N4BP2L2: variants seen among roughly 807,000 people sequenced by gnomAD.
N4BP2L2 encodes NEDD4 binding protein 2 like 2, also known as NEDD4-binding protein 2-like 2.
In N4BP2L2, 50 loss-of-function variants were observed where a neutral mutation model predicts 56.2. The observed-to-expected ratio is 0.89, with a 90% CI of 0.71 to 1.13. N4BP2L2 has a LOEUF of 1.13. Among genes scored for constraint, N4BP2L2 ranks in the 50% most tolerant of loss-of-function variants. The pLI is 0.00. For synonymous variants in N4BP2L2, 203 were observed against 223.6 expected (o/e 0.91, Z 0.82); for missense variants, 689 against 693.8 (o/e 0.99, Z 0.08).
intron 6 of N4BP2L2, among the ~76,000 whole-genome samples, chr13:32,497,036 T>C (rs2088842195): frequency 6.6e-6 from 1 of 152,158 alleles, no homozygotes; most frequent in Non-Finnish European, 1.5e-5. Flanking sequence ...AAAATTAAAG[T>C]GAACTCCTGC....
intron 6 of N4BP2L2, among the ~76,000 whole-genome samples, chr13:32,498,699 T>A (rs2089328501): frequency 6.6e-6 from 1 of 151,908 alleles, no homozygotes; most frequent in Non-Finnish European, 1.5e-5. Context: ...TGGACTGGAA[T>A]TTTTTTAAAA....
intron 6 of N4BP2L2, among the ~76,000 whole-genome samples, chr13:32,491,154 G>A (rs1439798144): frequency 6.6e-6 from 1 of 152,076 alleles, no homozygotes; most frequent in Admixed American, 6.6e-5. Context: ...AAGGGAAAAG[G>A]GGCAGGGTGG....
At position 32,521,450 on chromosome 13, in the gene N4BP2L2, C is replaced by CTGTA. The variant is rs749487797; in HGVS notation, c.1474-2_1474-1insTACA. 3.8e-6 allele frequency: 6 copies of CTGTA among 1,596,976 alleles called. No homozygotes were observed. The Admixed American group carries it at 1.1e-4, about 28-fold the overall frequency. Reference sequence around the variant, plus strand: ...CTACTCTGTATCCTTTTCCTATGGCCTACACAAAGGAAAGGAAGAAAACAA... The same window carrying CTGTA: ...CTACTCTGTATCCTTTTCCTATGGCCTGTATACACAAAGGAAAGGAAGAAAACAA... On this transcript the variant is annotated splice_acceptor_variant, in intron 4 of 5. Transcript: ENST00000267068. LOFTEE classifies it high-confidence loss of function.
At chr13:32,506,863 G>C (rs1302376648), downstream of N4BP2L2, 1 of 152,078 alleles carries the variant, frequency 6.6e-6, no homozygotes, top group African/African-American at 2.4e-5. Flanking sequence ...ATGATTTCTG[G>C]TCTTTATTCT....
intron 2 of N4BP2L2, among the ~76,000 whole-genome samples, chr13:32,531,483 A>G (rs567633478): frequency 4.6e-5 from 7 of 152,284 alleles, no homozygotes; most frequent in Non-Finnish European, 7.4e-5. Context: ...TTTCAAGAAA[A>G]ATACAAAATC....
chr13:32,491,642 T>A (rs1378067610), intron 6 of N4BP2L2, among the ~76,000 whole-genome samples: 2 of 145,962 alleles, frequency 1.4e-5, no homozygotes, highest in Non-Finnish European at 3.0e-5. Flanking sequence ...TATATTTTTT[T>A]TTTTTTTGAG....
At position 32,535,695 on chromosome 13, in the gene N4BP2L2, C is replaced by A. The variant is rs537499879; in HGVS notation, c.1259+74G>T. ...TTGGGATTACATGCATGAGTCACTG[C>A]AGCCGGCGACAAATATCATTTATAA... On this transcript the variant is annotated intron_variant, in intron 2 of 5. Coordinates refer to ENST00000267068, the Ensembl canonical transcript of N4BP2L2. The A allele has an allele frequency of 2.7e-6, 4 of 1,485,776 alleles. No individual in the cohort carries two copies. In the East Asian group the frequency reaches 9.4e-5, roughly 35 times the overall value. 92.0% of individuals were successfully genotyped at this position (1,485,776 alleles called of 1,614,324 possible).
exon 7 of N4BP2L2, chr13:32,442,744 A>G: frequency 6.2e-7 from 1 of 1,613,474 alleles, no homozygotes; most frequent in Non-Finnish European, 8.5e-7. Context: ...ATGTAGCACA[A>G]AAGAAGGAAT....
chr13:32,483,329 TC>T (rs1303984410), intron 6 of N4BP2L2, among the ~76,000 whole-genome samples: 1 of 152,008 alleles, frequency 6.6e-6, no homozygotes, highest in African/African-American at 2.4e-5. Flanking sequence ...CATTTCACTT[TC>T]AAAAAAGAAA....
chr13:32,446,980 G>T (rs370863964), intron 6 of N4BP2L2, among the ~76,000 whole-genome samples: 4 of 151,418 alleles, frequency 2.6e-5, no homozygotes, highest in Non-Finnish European at 5.9e-5. Context: ...AGTTTGATTC[G>T]CTCTGAAGTC....
At chr13:32,439,409 A>G (rs778182364) in intron 7 of N4BP2L2, among the ~76,000 whole-genome samples, 4 of 152,204 alleles carry the variant, frequency 2.6e-5, no homozygotes, top group Admixed American at 6.5e-5. Flanking sequence ...CATGCACTCA[A>G]GGTAAGCGAG....
chr13:32,443,924 A>G, exon 7 of N4BP2L2: 1 of 1,587,724 alleles, frequency 6.3e-7, no homozygotes, highest in Non-Finnish European at 8.6e-7. Context: ...ATGAAGGGAT[A>G]TTCTGATTCT....
intron 6 of N4BP2L2, among the ~76,000 whole-genome samples, chr13:32,474,495 G>A (rs2082893668): frequency 6.6e-6 from 1 of 151,052 alleles, no homozygotes; most frequent in African/African-American, 2.4e-5. Flanking sequence ...TTTGAGATCA[G>A]TCTGGCCGAC....
chr13:32,493,949 C>G (rs1304613353), intron 6 of N4BP2L2, among the ~76,000 whole-genome samples: 1 of 152,128 alleles, frequency 6.6e-6, no homozygotes, highest in East Asian at 1.9e-4. Context: ...GTTATTTTAT[C>G]TCTTTGGATT....
chr13:32,526,818 G>GCT (rs2052993482), intron 3 of N4BP2L2: 1 of 24,236 alleles, frequency 4.1e-5, no homozygotes, highest in Non-Finnish European at 7.9e-5. Flanking sequence ...CTTTTTGTCT[G>GCT]TTTTTTTTTT....
intron 3 of N4BP2L2, chr13:32,522,548 G>A (rs1246870220): frequency 4.4e-6 from 1 of 224,960 alleles, no homozygotes; most frequent in Non-Finnish European, 8.5e-6. Flanking sequence ...AAGGCTTCAA[G>A]TCTAGGACTA....
At chr13:32,521,933 G>A (rs1432661590) in intron 4 of N4BP2L2, 1 of 395,784 alleles carries the variant, frequency 2.5e-6, no homozygotes, top group Non-Finnish European at 4.4e-6. Flanking sequence ...CCAAGATGGT[G>A]CCACTGCACT....
chr13:32,472,079 T>A (rs1251801473), intron 6 of N4BP2L2, among the ~76,000 whole-genome samples: 1 of 152,078 alleles, frequency 6.6e-6, no homozygotes, highest in Non-Finnish European at 1.5e-5. Context: ...AACAATCAGA[T>A]AAATCCAGAA....
At chr13:32,534,258 C>G (rs1384959043) in intron 2 of N4BP2L2, among the ~76,000 whole-genome samples, 1 of 152,122 alleles carries the variant, frequency 6.6e-6, no homozygotes, top group African/African-American at 2.4e-5. Flanking sequence ...ATCTAATCAC[C>G]TCTACCATCT....
Sources: allele counts gnomAD v4.1 joint callset (sites outside exome capture counted in the v4.1 genomes callset), GRCh38; gene constraint gnomAD v4.1.1; transcripts MANE v1.5; gene names NCBI Gene and HGNC (gene_info 2026-07-23, HGNC 2026-07-21).